Variants in FAM228B observed in about 807,000 individuals in gnomAD.
FAM228B encodes the protein protein FAM228B.
In FAM228B, 38 loss-of-function variants were observed where a neutral mutation model predicts 42.6. That is an observed-to-expected ratio of 0.89 (90% CI 0.69 to 1.17). The LOEUF is 1.17. Ranked by LOEUF, FAM228B falls within the 50% of genes most tolerant of loss-of-function variation. The pLI is 0.00. For synonymous variants in FAM228B, 109 were observed against 122.3 expected, an observed-to-expected ratio of 0.89 and a Z score of 0.72; for missense variants, 344 against 367.3, an observed-to-expected ratio of 0.94 and a Z score of 0.52.
Position 24,146,838 on chromosome 2 carries a change from A to G in FAM228B, c.529+3A>G, listed in dbSNP as rs1330239285. ...AACTCTTCTTCAGTGTGAGACTGGTACTTAGTTCCTAATTGTTATGTGATT... is the reference window on the plus strand; with the variant it reads ...AACTCTTCTTCAGTGTGAGACTGGTGCTTAGTTCCTAATTGTTATGTGATT... On this transcript the variant is annotated splice_donor_region_variant and intron_variant, in intron 6 of 10. Coordinates refer to ENST00000615575, the MANE Select transcript of FAM228B (RefSeq NM_001145710.2). 2.6e-6 allele frequency: 4 copies of G among 1,542,720 alleles called. No individual in the cohort carries two copies. The highest frequency in any genetic ancestry group is 4.9e-5 in the East Asian group (2 of 40,830).
Position 24,146,710 on chromosome 2 carries a change from C to T in FAM228B, c.442-38C>T, listed in dbSNP as rs1019146835. 87 of 1,420,692 alleles carry T rather than the reference C, an allele frequency of 6.1e-5. No individual in the cohort carries two copies. The Admixed American group carries it at 1.7e-3, about 28-fold the overall frequency. The allele number at this position is 1,420,692 out of a possible 1,614,324, so 88.0% of individuals were successfully genotyped here. The stretch of plus-strand genomic sequence containing the variant: ...AGACTGAAAATGTTTACTACTCAGA[C>T]TTGCAACTCAGTGCTTAAACAAGTG... On this transcript the variant is annotated intron_variant, in intron 5 of 10. Transcript: ENST00000615575.
Position 24,084,259 on chromosome 2 carries a change from G to A in FAM228B, c.-210+3304G>A, listed in dbSNP as rs772715817. The stretch of plus-strand genomic sequence containing the variant: ...GAGGACTTCACCCTCCCCCGGGCTC[G>A]GCTTGGCCACCTCCTTCACGTAGAG... On this transcript the variant is annotated intron_variant, in intron 2 of 10. Transcript: ENST00000613899. The surrounding 1 kb of genome is among the most constrained non-coding windows in gnomAD (Gnocchi z 8.4). The A allele has an allele frequency of 4.3e-6, 7 of 1,613,780 alleles. No individual in the cohort carries two copies. Among genetic ancestry groups the A allele is most frequent in the African/African-American group, 1.3e-5 (1 of 74,882 alleles).
intron 3 of FAM228B, among the ~76,000 whole-genome samples, chr2:24,100,670 G>A (rs1258514195): frequency 6.6e-6 from 1 of 152,200 alleles, no homozygotes; most frequent in Non-Finnish European, 1.5e-5. Flanking sequence ...TGGTGGGAGT[G>A]TAAATTAGTT....
chr2:24,146,535 C>G lies in FAM228B; in HGVS notation c.442-213C>G, dbSNP rs186730172. 5.7e-4 allele frequency among the ~76,000 whole-genome samples: 87 copies of G among 152,278 alleles called. No homozygotes were observed. In the East Asian group the frequency reaches 0.015, roughly 26 times the overall value. Reference sequence around the variant, plus strand: ...TTTGAAACAAGAGCTAACTTTGTCTCTTTGACTGGAGGGCCTTTAAGAGAG... The same window carrying G: ...TTTGAAACAAGAGCTAACTTTGTCTGTTTGACTGGAGGGCCTTTAAGAGAG... On this transcript the variant is annotated intron_variant, in intron 5 of 10. Coordinates refer to ENST00000615575, the MANE Select transcript of FAM228B (RefSeq NM_001145710.2).
chr2:24,154,338 G>GT (rs756321118), intron 7 of FAM228B, among the ~76,000 whole-genome samples: 13 of 152,130 alleles, frequency 8.5e-5, no homozygotes, highest in Non-Finnish European at 1.8e-4. Flanking sequence ...ATTTTCACAT[G>GT]TTTTTTTGCC....
intron 3 of FAM228B, among the ~76,000 whole-genome samples, chr2:24,109,195 G>C (rs1357754398): frequency 6.8e-6 from 1 of 146,050 alleles, no homozygotes; most frequent in East Asian, 2.0e-4. Context: ...AAAAGCAATG[G>C]AAAGTACTCC....
At chr2:24,122,464 G>C (rs1016544129), upstream of FAM228B, 6 of 1,614,158 alleles carry the variant, frequency 3.7e-6, no homozygotes, top group Middle Eastern at 1.6e-4. Flanking sequence ...CCTGGATTTT[G>C]ATGAGGGCTG....
intron 2 of FAM228B, among the ~76,000 whole-genome samples, chr2:24,094,698 G>C (rs754924849): frequency 5.3e-5 from 8 of 152,116 alleles, no homozygotes; most frequent in Non-Finnish European, 1.2e-4. Context: ...GCCTCAGCTG[G>C]TCTTGAACTC....
intron 3 of FAM228B, among the ~76,000 whole-genome samples, chr2:24,103,255 G>A (rs778331554): frequency 5.9e-5 from 9 of 152,184 alleles, no homozygotes; most frequent in Non-Finnish European, 1.3e-4. Context: ...AGGGAGGCTG[G>A]GGAGGGAGGC....
At chr2:24,086,831 C>T (rs1429117429) in intron 2 of FAM228B, among the ~76,000 whole-genome samples, 2 of 152,184 alleles carry the variant, frequency 1.3e-5, no homozygotes, top group Non-Finnish European at 2.9e-5. Flanking sequence ...TCCGGATACA[C>T]ATCTGTCCAA....
upstream of FAM228B, among the ~76,000 whole-genome samples, chr2:24,120,893 G>A (rs577525603): frequency 4.0e-4 from 60 of 150,282 alleles, no homozygotes; most frequent in Non-Finnish European, 7.8e-4. Flanking sequence ...TTTTTTAAAG[G>A]AGGATGTAGA....
At chr2:24,147,150 T>C (rs934388019) in intron 7 of FAM228B, 64 bp downstream of exon 7, 12 of 1,126,318 alleles carry the variant, frequency 1.1e-5, no homozygotes, top group African/African-American at 3.2e-5. Context: ...CAGACTGATA[T>C]AACATTTTTC....
At chr2:24,129,838 A>G (rs1283666351) in intron 2 of FAM228B, among the ~76,000 whole-genome samples, 1 of 152,198 alleles carries the variant, frequency 6.6e-6, no homozygotes, top group Non-Finnish European at 1.5e-5. Context: ...GTTCTGAGAT[A>G]CAAGTGCAGG....
chr2:24,126,652 C>T (rs1666316048), intron 2 of FAM228B, among the ~76,000 whole-genome samples: 2 of 151,616 alleles, frequency 1.3e-5, no homozygotes, highest in South Asian at 4.2e-4. Context: ...GCTCTGTCGC[C>T]CAGACTGGAA....
intron 2 of FAM228B, among the ~76,000 whole-genome samples, chr2:24,128,227 C>A (rs541957764): frequency 6.6e-6 from 1 of 152,026 alleles, no homozygotes. Flanking sequence ...TATCTGGATT[C>A]TTTTGTTTCG....
chr2:24,166,615 T>A (rs1192705951), intron 9 of FAM228B: 1 of 151,562 alleles, frequency 6.6e-6, no homozygotes, highest in Non-Finnish European at 1.5e-5. Flanking sequence ...TCCTGGAGCT[T>A]ACATTTTGAT....
intron 3 of FAM228B, among the ~76,000 whole-genome samples, chr2:24,102,558 CA>C (rs1665627583): frequency 6.6e-6 from 1 of 152,100 alleles, no homozygotes; most frequent in African/African-American, 2.4e-5. Context: ...GCTAACATGG[CA>C]AAACCCTGTC....
At chr2:24,135,682 G>A (rs946439439) in intron 3 of FAM228B, among the ~76,000 whole-genome samples, 4 of 152,136 alleles carry the variant, frequency 2.6e-5, no homozygotes, top group African/African-American at 9.7e-5. Context: ...ACTAACATTG[G>A]GAATGGCTGA....
chr2:24,130,879 C>T (rs1330810364), intron 2 of FAM228B, among the ~76,000 whole-genome samples: 1 of 151,872 alleles, frequency 6.6e-6, no homozygotes, highest in African/African-American at 2.4e-5. Context: ...TGCCCATGCC[C>T]TGAATGTTAT....
Sources: gnomAD v4.1 joint callset for allele counts (sites outside exome capture counted in the v4.1 genomes callset) on GRCh38, gnomAD v4.1.1 for gene constraint, Gnocchi (gnomAD v3.1) non-coding constraint, MANE v1.5 for transcripts, NCBI Gene and HGNC (gene_info 2026-07-23, HGNC 2026-07-21) for gene names.